Variants in CDKAL1 observed in about 807,000 individuals in gnomAD.
The protein encoded by CDKAL1 is threonylcarbamoyladenosine tRNA methylthiotransferase.
Under a neutral mutation model 68.2 loss-of-function variants are expected in CDKAL1, and 32 were observed. That is an observed-to-expected ratio of 0.47 (90% CI 0.35 to 0.63). The LOEUF (loss-of-function observed/expected upper bound fraction) is 0.63, where lower values mean the gene tolerates loss of function less well. Ranked by LOEUF, CDKAL1 falls within the 30% of genes least tolerant of loss-of-function variation. The pLI is 0.00. For synonymous variants in CDKAL1, 234 were observed against 244.3 expected (o/e 0.96, Z 0.39); for missense variants, 606 against 696.7 (o/e 0.87, Z 1.47).
At chr6:21,056,113 T>TG (rs1482732697) in intron 11 of CDKAL1, among the ~76,000 whole-genome samples, 1 of 152,236 alleles carries the variant, frequency 6.6e-6, no homozygotes, top group African/African-American at 2.4e-5. Flanking sequence ...TGCATTTCTC[T>TG]AATGATCCGT....
intron 5 of CDKAL1, among the ~76,000 whole-genome samples, chr6:20,667,704 C>A (rs1392889737): frequency 1.0e-5 from 1 of 99,150 alleles, no homozygotes; most frequent in Non-Finnish European, 2.0e-5. Context: ...AAGGTGGCTG[C>A]CTGGGTTTTG....
intron 4 of CDKAL1, among the ~76,000 whole-genome samples, chr6:20,557,205 C>A (rs1052527561): frequency 6.6e-6 from 1 of 151,884 alleles, no homozygotes; most frequent in Non-Finnish European, 1.5e-5. Flanking sequence ...TTGAATAGAA[C>A]TTTTAAAAAA....
chr6:20,731,895 C>T (rs1010093954), intron 5 of CDKAL1, among the ~76,000 whole-genome samples: 11 of 152,168 alleles, frequency 7.2e-5, no homozygotes, highest in African/African-American at 2.2e-4. Context: ...CCATAGCCAA[C>T]AGCAGCCAGC....
intron 7 of CDKAL1, among the ~76,000 whole-genome samples, chr6:20,767,772 G>A (rs879786362): frequency 1.3e-5 from 2 of 152,056 alleles, no homozygotes; most frequent in Non-Finnish European, 2.9e-5. Context: ...TTGGTGATTG[G>A]CACATTTTTT....
chr6:21,111,806 TAATA>T (rs1774132581), intron 13 of CDKAL1, among the ~76,000 whole-genome samples: 3 of 152,334 alleles, frequency 2.0e-5, no homozygotes, highest in East Asian at 1.9e-4. Flanking sequence ...GGAATTCTTA[TAATA>T]AATAAAGACT....
chr6:20,695,528 A>G (rs1009595612), intron 5 of CDKAL1, among the ~76,000 whole-genome samples: 1 of 152,164 alleles, frequency 6.6e-6, no homozygotes, highest in Non-Finnish European at 1.5e-5. Flanking sequence ...GGAAGAAGTG[A>G]TATTTATACA....
At chr6:20,574,866 G>A (rs1764848291) in intron 4 of CDKAL1, among the ~76,000 whole-genome samples, 1 of 152,094 alleles carries the variant, frequency 6.6e-6, no homozygotes, top group Admixed American at 6.6e-5. Flanking sequence ...CAAATGGTAG[G>A]TTATTTTGAA....
At chr6:20,960,907 T>C (rs60045771) in intron 10 of CDKAL1, among the ~76,000 whole-genome samples, 2,925 of 152,338 alleles carry the variant, frequency 0.019, 93 homozygotes, top group African/African-American at 0.066. Flanking sequence ...ATGAGCTTAT[T>C]GTATGATTAT....
intron 13 of CDKAL1, among the ~76,000 whole-genome samples, chr6:21,170,164 C>T (rs1777322380): frequency 6.6e-6 from 1 of 152,212 alleles, no homozygotes; most frequent in Admixed American, 6.5e-5. Flanking sequence ...ATGCTGGAAG[C>T]ATGGCACCTG....
At chr6:20,689,106 T>C (rs1770759502) in intron 5 of CDKAL1, among the ~76,000 whole-genome samples, 1 of 152,200 alleles carries the variant, frequency 6.6e-6, no homozygotes, top group African/African-American at 2.4e-5. Context: ...TAGTTTTTCC[T>C]GAGAGCAGAC....
intron 9 of CDKAL1, among the ~76,000 whole-genome samples, chr6:20,924,868 A>G (rs935567338): frequency 1.3e-5 from 2 of 152,252 alleles, no homozygotes; most frequent in Admixed American, 1.3e-4. Context: ...ACAGCCTTCT[A>G]TTGAGAGAAG....
At chr6:21,215,469 G>T (rs1211444682) in intron 15 of CDKAL1, among the ~76,000 whole-genome samples, 17 of 152,242 alleles carry the variant, frequency 1.1e-4, no homozygotes, top group Middle Eastern at 3.4e-3. Context: ...TGAAATCTTG[G>T]TGTTTTTGCC....
intron 5 of CDKAL1, among the ~76,000 whole-genome samples, chr6:20,698,778 T>C (rs1160253090): frequency 2.0e-5 from 3 of 152,206 alleles, no homozygotes; most frequent in Non-Finnish European, 2.9e-5. Context: ...GTCAGTCTTG[T>C]CATGGTAAAA....
At chr6:20,821,258 GA>G (rs1561805718) in intron 8 of CDKAL1, among the ~76,000 whole-genome samples, 3 of 151,814 alleles carry the variant, frequency 2.0e-5, no homozygotes, top group Non-Finnish European at 4.4e-5. Flanking sequence ...CTGTAGGGAC[GA>G]TATCCTGTCG....
intron 4 of CDKAL1, among the ~76,000 whole-genome samples, chr6:20,624,889 T>C (rs539941474): frequency 2.0e-5 from 3 of 152,218 alleles, no homozygotes; most frequent in East Asian, 3.9e-4. Flanking sequence ...AAATATCCTC[T>C]TGGTAATAAT....
intron 12 of CDKAL1, among the ~76,000 whole-genome samples, chr6:21,077,693 G>A (rs1320633949): frequency 6.6e-6 from 1 of 152,142 alleles, no homozygotes; most frequent in Non-Finnish European, 1.5e-5. Context: ...AACAGCAAGG[G>A]GGAAGTCTGC....
rs1284238652 is a variant in CDKAL1 at position 20,609,393 on chromosome 6, TTCTTCTTC to T, written c.287-39898_287-39891del. Among the ~76,000 whole-genome samples the T allele has an allele frequency of 5.0e-4, 56 of 111,204 alleles. 1 individual carries two copies. Among genetic ancestry groups the T allele is most frequent in the African/African-American group, 1.7e-3 (52 of 31,102 alleles). 73.0% of individuals were successfully genotyped at this position (111,204 alleles called of 152,430 possible). ...CTTCTCCTTCTTCTTCTTCTTCTTC[TTCTTCTTC>T]TTTTTTTTTTTTGAGATGGAATCTC... On this transcript the variant is annotated intron_variant, in intron 4 of 15. Transcript: ENST00000274695.
At chr6:21,175,023 G>A (rs1168032147) in intron 13 of CDKAL1, among the ~76,000 whole-genome samples, 2 of 152,130 alleles carry the variant, frequency 1.3e-5, no homozygotes, top group African/African-American at 4.8e-5. Context: ...ACCATTGTAG[G>A]GTTTTAAGTG....
intron 12 of CDKAL1, among the ~76,000 whole-genome samples, chr6:21,096,793 G>A (rs1048827946): frequency 1.3e-5 from 2 of 152,138 alleles, no homozygotes; most frequent in African/African-American, 4.8e-5. Context: ...AATAAAAACA[G>A]TGTAGTACAT....
Sources: gnomAD v4.1 joint callset for allele counts (sites outside exome capture counted in the v4.1 genomes callset) on GRCh38, gnomAD v4.1.1 for gene constraint, MANE v1.5 for transcripts, NCBI Gene and HGNC (gene_info 2026-07-23, HGNC 2026-07-21) for gene names.